The following MTHFD1 variants were observed in gnomAD, a reference collection of about 807,000 sequenced individuals.
MTHFD1 encodes C-1-tetrahydrofolate synthase, cytoplasmic.
Under a neutral mutation model 110.3 loss-of-function variants are expected in MTHFD1, and 44 were observed. The observed-to-expected ratio is 0.40, with a 90% confidence interval of 0.31 to 0.51. MTHFD1 has a LOEUF of 0.51. MTHFD1 is among the 20% of genes least tolerant of loss of function. MTHFD1 has a pLI of 0.60. For synonymous variants in MTHFD1, 402 were observed against 428.8 expected (o/e 0.94, Z 0.77); for missense variants, 909 against 1,173.1 (o/e 0.77, Z 3.29).
intron 24 of MTHFD1, among the ~76,000 whole-genome samples, chr14:64,453,475 G>A (rs2078411509): frequency 6.6e-6 from 1 of 152,158 alleles, no homozygotes. Flanking sequence ...GGAGGCTGAG[G>A]CAGGAGAATC....
At position 64,388,414 on chromosome 14, in the gene MTHFD1, G is replaced by T; in HGVS notation, c.-14G>T. On this transcript the variant is annotated 5_prime_UTR_variant, in exon 1 of 28. Coordinates refer to ENST00000652337, the MANE Select transcript of MTHFD1 (RefSeq NM_005956.4). The stretch of plus-strand genomic sequence containing the variant: ...TTGGTGGTGTCCATCGTGGGCAGCG[G>T]ACTAATAAAGGCCATGGCGCCAGCA... 6.2e-7 allele frequency: 1 copy of T among 1,614,188 alleles called. No homozygotes were observed. The highest frequency in any genetic ancestry group is 8.5e-7 in the Non-Finnish European group (1 of 1,180,042).
At chr14:64,431,053 GTTTTCTTTTTCT>G (rs1262624768) in intron 13 of MTHFD1, among the ~76,000 whole-genome samples, 22 of 148,556 alleles carry the variant, frequency 1.5e-4, no homozygotes, top group South Asian at 6.5e-4. Flanking sequence ...AGTCTTTTAT[GTTTTCTTTTTCT>G]TTTTCTTTTT....
chr14:64,404,963 TAA>T (rs1051539909), intron 2 of MTHFD1, among the ~76,000 whole-genome samples: 1 of 144,386 alleles, frequency 6.9e-6, no homozygotes, highest in Non-Finnish European at 1.5e-5. Flanking sequence ...CGTCTCAATT[TAA>T]AAAAAAAAAA....
At chr14:64,424,717 C>A in intron 8 of MTHFD1, 87 bp from the exon 9 acceptor site, 1 of 1,468,402 alleles carries the variant, frequency 6.8e-7, no homozygotes. Flanking sequence ...ACTAACACAC[C>A]CTACAATTCT....
At position 64,454,719 on chromosome 14, in the gene MTHFD1, C is replaced by T. The variant is rs143887854; in HGVS notation, c.2566-4C>T. 640 of 1,612,912 alleles carry T rather than the reference C, an allele frequency of 4.0e-4. 2 individuals carry two copies. The African/African-American group carries it at 7.8e-3, about 20-fold the overall frequency. On this transcript the variant is annotated splice_region_variant and splice_polypyrimidine_tract_variant and intron_variant, in intron 25 of 27. Transcript: ENST00000652337. ...GTCCTCCCTCTCTTCCCTTCTTTCC[C>T]CAGGGCTTTGGGAATCTCCCCATCT...
At chr14:64,390,304 GATTC>G (rs992524137) in intron 1 of MTHFD1, 15 of 144,938 alleles carry the variant, frequency 1.0e-4, no homozygotes, top group Admixed American at 6.7e-4. Flanking sequence ...ATATATGAAT[GATTC>G]ATTATCTTTT....
At chr14:64,433,736 T>TA (rs1472649568) in intron 15 of MTHFD1, among the ~76,000 whole-genome samples, 1 of 148,640 alleles carries the variant, frequency 6.7e-6, no homozygotes, top group African/African-American at 2.5e-5. Flanking sequence ...TTTTTTTTTT[T>TA]AAGAGATGAG....
chr14:64,407,269 C>A (rs2077942530), intron 2 of MTHFD1, among the ~76,000 whole-genome samples: 1 of 151,858 alleles, frequency 6.6e-6, no homozygotes, highest in Non-Finnish European at 1.5e-5. Context: ...AGTTCAAGAC[C>A]AGCCTGGGAA....
At chr14:64,438,358 T>A (rs2078222691) in intron 16 of MTHFD1, among the ~76,000 whole-genome samples, 1 of 152,182 alleles carries the variant, frequency 6.6e-6, no homozygotes, top group Non-Finnish European at 1.5e-5. Context: ...TTGTAATGAA[T>A]AACAAGACAC....
chr14:64,402,720 G>T (rs550379658), intron 2 of MTHFD1, among the ~76,000 whole-genome samples: 1 of 151,980 alleles, frequency 6.6e-6, no homozygotes, highest in South Asian at 2.1e-4. Flanking sequence ...GGAGACAGGA[G>T]ATCACTTGAG....
intron 1 of MTHFD1, among the ~76,000 whole-genome samples, chr14:64,397,809 A>G (rs1566553564): frequency 6.6e-6 from 1 of 152,044 alleles, no homozygotes; most frequent in Admixed American, 6.6e-5. Context: ...TGTCCATGTT[A>G]TATTTTATTT....
At chr14:64,453,900 A>G in intron 25 of MTHFD1, 39 bp downstream of exon 25, 1 of 1,302,280 alleles carries the variant, frequency 7.7e-7, no homozygotes. Context: ...ACTCTTTGCA[A>G]AGCAGGACTT....
At chr14:64,421,108 G>A (rs535806650) in intron 8 of MTHFD1, among the ~76,000 whole-genome samples, 4 of 152,254 alleles carry the variant, frequency 2.6e-5, no homozygotes, top group African/African-American at 9.6e-5. Flanking sequence ...TGTCATGTCT[G>A]TTATTCCTTC....
intron 2 of MTHFD1, among the ~76,000 whole-genome samples, chr14:64,408,485 C>T (rs1366612379): frequency 6.6e-6 from 1 of 152,100 alleles, no homozygotes; most frequent in East Asian, 1.9e-4. Context: ...GATGGGGTTT[C>T]ACCATCTTGG....
intron 21 of MTHFD1, among the ~76,000 whole-genome samples, chr14:64,442,851 G>C (rs532887495): frequency 1.1e-4 from 17 of 152,188 alleles, no homozygotes; most frequent in African/African-American, 3.6e-4. Flanking sequence ...GGGAGGGAGT[G>C]GGGGAGAGGA....
intron 11 of MTHFD1, 46 bp from the exon 12 acceptor site, chr14:64,427,291 A>G: frequency 6.2e-7 from 1 of 1,605,930 alleles, no homozygotes; most frequent in Non-Finnish European, 8.5e-7. Flanking sequence ...TGATTCAGAT[A>G]CACTTAATTC....
intron 15 of MTHFD1, among the ~76,000 whole-genome samples, chr14:64,432,900 A>G (rs8022867): frequency 0.062 from 9,413 of 152,038 alleles, 514 homozygotes; most frequent in African/African-American, 0.16. Context: ...GACTATAGGT[A>G]CACACACCAC....
chr14:64,395,704 G>A (rs2077842777), intron 1 of MTHFD1, among the ~76,000 whole-genome samples: 1 of 152,158 alleles, frequency 6.6e-6, no homozygotes, highest in Admixed American at 6.6e-5. Context: ...ATATGGGGAA[G>A]GGGTATGCTA....
At chr14:64,441,357 G>C in intron 18 of MTHFD1, 28 bp from the exon 19 acceptor site, 3 of 1,611,650 alleles carry the variant, frequency 1.9e-6, no homozygotes, top group Non-Finnish European at 2.5e-6. Context: ...GCTGGTGGGA[G>C]TTGATGCTGC....
Sources: allele counts gnomAD v4.1 joint callset (sites outside exome capture counted in the v4.1 genomes callset), GRCh38; gene constraint gnomAD v4.1.1; transcripts MANE v1.5; gene names NCBI Gene and HGNC (gene_info 2026-07-23, HGNC 2026-07-21).